The following PPM1F variants were observed in gnomAD, a reference collection of about 807,000 sequenced individuals.
PPM1F encodes protein phosphatase, Mg2+/Mn2+ dependent 1F, also known as protein phosphatase 1F.
PPM1F carries 17 observed loss-of-function variants against 35.5 expected under a neutral mutation model. The ratio of observed to expected loss-of-function variants is 0.48; its 90% CI spans 0.33 to 0.72. The LOEUF (loss-of-function observed/expected upper bound fraction) is 0.72. PPM1F is among the 30% of genes least tolerant of loss of function. PPM1F has a pLI of 0.02. For missense variants in PPM1F, 521 were observed against 613.0 expected (o/e 0.85, Z 1.59); for synonymous variants, 241 against 255.5 (o/e 0.94, Z 0.54).
At chr22:21,931,047 TTAC>T in intron 6 of PPM1F, 98 bp downstream of exon 6, 3 of 1,539,424 alleles carry the variant, frequency 1.9e-6, no homozygotes, top group Non-Finnish European at 2.6e-6. Context: ...GGTGCCAGGA[TTAC>T]TACTACCTGA....
intron 3 of PPM1F, 38 bp from the exon 4 acceptor site, chr22:21,934,264 A>G: frequency 1.3e-6 from 2 of 1,523,798 alleles, no homozygotes; most frequent in Non-Finnish European, 1.8e-6. Flanking sequence ...GGGAAGTGCC[A>G]ACCAAGCCAG....
intron 2 of PPM1F, chr22:21,942,806 C>T: frequency 6.6e-6 from 1 of 152,470 alleles, no homozygotes. Context: ...GTCACTGCAC[C>T]ATGCAGATCC....
intron 7 of PPM1F, among the ~76,000 whole-genome samples, chr22:21,923,727 G>A (rs999683098): frequency 1.3e-5 from 2 of 152,056 alleles, no homozygotes; most frequent in African/African-American, 4.8e-5. Flanking sequence ...TCTGTCGCCA[G>A]GCTGCAGTGG....
At chr22:21,940,468 G>A (rs925777990) in intron 2 of PPM1F, 2 of 147,048 alleles carry the variant, frequency 1.4e-5, no homozygotes, top group Non-Finnish European at 3.0e-5. Flanking sequence ...GCAAGATGCT[G>A]TCTCCAAAAA....
rs890582502 is a variant in PPM1F, at chr22:21,920,431, G to A, written c.*2661C>T. The A allele has an allele frequency of 1.3e-5, 2 of 152,706 alleles. No individual in the cohort carries two copies. The highest frequency in any genetic ancestry group is 2.9e-5 in the Non-Finnish European group (2 of 68,174). The allele number at this position is 152,706 out of a possible 1,614,324, so 9.5% of individuals were successfully genotyped here. A position where few individuals can be genotyped will look rare whatever the true frequency, so the allele number is the denominator to read the frequency against. ...GGCCCTCATGGGACTGTGGCTGGAA[G>A]AGAAGGTCGCCCCGGAGGTTGGAGG... is the stretch of plus-strand genomic sequence containing the variant. On this transcript the variant is annotated 3_prime_UTR_variant, in exon 8 of 8. Coordinates refer to ENST00000263212, the MANE Select transcript of PPM1F (RefSeq NM_014634.4).
intron 3 of PPM1F, chr22:21,938,817 C>G (rs1464361429): frequency 6.4e-6 from 1 of 155,148 alleles, no homozygotes; most frequent in Non-Finnish European, 1.4e-5. Flanking sequence ...AATGAAATTA[C>G]TAGGAGAATG....
chr22:21,949,263 G>C (rs545159886), intron 1 of PPM1F: 8 of 152,238 alleles, frequency 5.3e-5, no homozygotes, highest in African/African-American at 1.9e-4. Flanking sequence ...CATCTTACTT[G>C]CTGGGGACCA....
chr22:21,928,570 C>G (rs2070548461), intron 6 of PPM1F, among the ~76,000 whole-genome samples: 1 of 152,136 alleles, frequency 6.6e-6, no homozygotes, highest in African/African-American at 2.4e-5. Context: ...GTCTTCTACC[C>G]ACTGATTCTG....
Position 21,946,050 on chromosome 22 carries a change from C to T in PPM1F, c.-2G>A, listed in dbSNP as rs2145807971. The T allele has an allele frequency of 1.3e-6, 2 of 1,511,430 alleles. No homozygotes were observed. The highest frequency in any genetic ancestry group is 4.8e-5 in the East Asian group (2 of 41,342). 93.6% of individuals were successfully genotyped at this position (1,511,430 alleles called of 1,614,324 possible). A position where few individuals can be genotyped will look rare whatever the true frequency, so the allele number is the denominator to read the frequency against. ...CTTCTGTGGGGCTCCAGAGGACATG[C>T]CCAAAGCATCCCGGGGGCCTGCAGC... On this transcript the variant is annotated 5_prime_UTR_variant, in exon 2 of 8. Transcript: ENST00000263212.
At chr22:21,950,471 C>T (rs2145811159) in intron 1 of PPM1F, 1 of 151,902 alleles carries the variant, frequency 6.6e-6, no homozygotes, top group Non-Finnish European at 1.5e-5. Flanking sequence ...CAGGGTTTAA[C>T]AACTGCAGTT....
chr22:21,921,196 C>A lies in PPM1F; in HGVS notation c.*1896G>T, dbSNP rs1195983287. The A allele has an allele frequency of 6.6e-6, 1 of 152,326 alleles. No homozygotes were observed. Among genetic ancestry groups the A allele is most frequent in the Non-Finnish European group, 1.5e-5 (1 of 68,020 alleles). The allele number at this position is 152,326 out of a possible 1,614,324, so 9.4% of individuals were successfully genotyped here. ...GCTCCCACCGGGAAGGCGGCTCTAG[C>A]GTGCCTCCTCGGCGAGCTGAGAGGA... On this transcript the variant is annotated 3_prime_UTR_variant, in exon 8 of 8. Transcript: ENST00000263212.
At chr22:21,938,243 C>A (rs1040515009) in intron 3 of PPM1F, 1 of 1,301,364 alleles carries the variant, frequency 7.7e-7, no homozygotes, top group Non-Finnish European at 1.0e-6. Context: ...GGACAGAGAC[C>A]CATCAGGCGG....
At chr22:21,947,354 GACCCCTCCA>G (rs1478636158) in intron 1 of PPM1F, 1 of 152,466 alleles carries the variant, frequency 6.6e-6, no homozygotes, top group East Asian at 1.9e-4. Flanking sequence ...TCGGGTGCCT[GACCCCTCCA>G]AACCCTCCCC....
chr22:21,929,878 T>C (rs1051057330), intron 6 of PPM1F, among the ~76,000 whole-genome samples: 3 of 152,146 alleles, frequency 2.0e-5, no homozygotes, highest in African/African-American at 7.2e-5. Flanking sequence ...GGTGTCTCTA[T>C]GTGCTTTCCA....
In PPM1F at chr22:21,922,271, T is replaced by C. The variant is rs1736545466; in HGVS notation, c.*821A>G. The C allele has an allele frequency of 6.6e-6, 1 of 152,568 alleles. No individual in the cohort carries two copies. Among genetic ancestry groups the C allele is most frequent in the Non-Finnish European group, 1.5e-5 (1 of 68,040 alleles). The allele number at this position is 152,568 out of a possible 1,614,324, so 9.5% of individuals were successfully genotyped here. A position where few individuals can be genotyped will look rare whatever the true frequency, so the allele number is the denominator to read the frequency against. On this transcript the variant is annotated 3_prime_UTR_variant, in exon 8 of 8. Coordinates refer to ENST00000263212, the MANE Select transcript of PPM1F (RefSeq NM_014634.4). ...AAATAGCTTTAAAAAAGTAAATACTTAAGTTTTCTAAAGAATAAAATAAAT... is the reference window on the plus strand; with the variant it reads ...AAATAGCTTTAAAAAAGTAAATACTCAAGTTTTCTAAAGAATAAAATAAAT...
intron 3 of PPM1F, chr22:21,935,411 G>C (rs909138552): frequency 1.1e-4 from 16 of 152,150 alleles, no homozygotes; most frequent in African/African-American, 3.1e-4. Flanking sequence ...TGATGGAACT[G>C]CTCTGTATTT....
In PPM1F at chr22:21,945,756, A is replaced by G. The variant is rs546658328; in HGVS notation, c.206+87T>C. ...GCTGCAGATCCCCGTGTGGGGCTGG[A>G]CGTGTAGGGGAGCAGCAGCCACATC... On this transcript the variant is annotated intron_variant, in intron 2 of 7. Coordinates refer to ENST00000263212, the MANE Select transcript of PPM1F (RefSeq NM_014634.4). 8.1e-5 allele frequency: 110 copies of G among 1,365,340 alleles called. 1 individual carries two copies. The East Asian group carries it at 2.5e-3, about 31-fold the overall frequency. 84.6% of individuals were successfully genotyped at this position (1,365,340 alleles called of 1,614,324 possible).
At chr22:21,923,536 C>A in intron 7 of PPM1F, 65 bp from the exon 8 acceptor site, 1 of 1,524,786 alleles carries the variant, frequency 6.6e-7, no homozygotes, top group Non-Finnish European at 8.9e-7. Flanking sequence ...CCCCACCTAC[C>A]CAGGCCTAGA....
intron 3 of PPM1F, chr22:21,938,153 GC>G: frequency 7.7e-7 from 1 of 1,302,972 alleles, no homozygotes. Flanking sequence ...GCCTGCAGGA[GC>G]CCCGAGCGTA....
Sources: allele counts gnomAD v4.1 joint callset (sites outside exome capture counted in the v4.1 genomes callset), GRCh38; gene constraint gnomAD v4.1.1; transcripts MANE v1.5; gene names NCBI Gene and HGNC (gene_info 2026-07-23, HGNC 2026-07-21).